ATP8B2: variants seen among roughly 807,000 people sequenced by gnomAD.
The protein encoded by ATP8B2 is phospholipid-transporting ATPase ID.
In ATP8B2, 70 loss-of-function variants were observed where a neutral mutation model predicts 133.4. The ratio of observed to expected loss-of-function variants is 0.52; its 90% CI spans 0.43 to 0.64. ATP8B2 has a LOEUF of 0.64. ATP8B2 is among the 30% of genes least tolerant of loss of function. The pLI is 0.00. For synonymous variants in ATP8B2, 517 were observed against 589.5 expected (o/e 0.88, Z 1.78); for missense variants, 1,101 against 1,535.7 (o/e 0.72, Z 4.73).
At chr1:154,338,520 TGTG>T (rs1161136287) in intron 12 of ATP8B2, among the ~76,000 whole-genome samples, 2 of 151,800 alleles carry the variant, frequency 1.3e-5, no homozygotes, top group Non-Finnish European at 2.9e-5. Flanking sequence ...ATTAGCCAGG[TGTG>T]GTGGTGGTTG....
In ATP8B2 at chr1:154,348,823, C is replaced by T. The variant is rs2149178019; in HGVS notation, c.3295-17C>T. On this transcript the variant is annotated splice_polypyrimidine_tract_variant and intron_variant, in intron 27 of 27. Transcript: ENST00000368489. ...CCTCCACGCTGACAGAGGGCTCTTC[C>T]CTGTGCCCCTCTGCAGGTCCGCTAC... 6.4e-7 allele frequency: 1 copy of T among 1,573,986 alleles called. No individual in the cohort carries two copies.
At chr1:154,326,063 G>A (rs1332807836) in intron 1 of ATP8B2, among the ~76,000 whole-genome samples, 1 of 152,176 alleles carries the variant, frequency 6.6e-6, no homozygotes, top group Non-Finnish European at 1.5e-5. Context: ...GAGTAACCGG[G>A]ACCCGAGGGT....
At chr1:154,327,578 A>G (rs1323626506) in intron 1 of ATP8B2, among the ~76,000 whole-genome samples, 1 of 152,092 alleles carries the variant, frequency 6.6e-6, no homozygotes, top group Admixed American at 6.5e-5. Context: ...GCTCCCCTGG[A>G]GGAGGTGATA....
At chr1:154,336,648 C>G (rs545096458) in intron 11 of ATP8B2, among the ~76,000 whole-genome samples, 2 of 151,868 alleles carry the variant, frequency 1.3e-5, no homozygotes, top group African/African-American at 4.8e-5. Context: ...CCACCACACC[C>G]GGCTAATTTT....
chr1:154,329,989 GT>G (rs1252194059), intron 2 of ATP8B2, among the ~76,000 whole-genome samples: 1 of 152,138 alleles, frequency 6.6e-6, no homozygotes, highest in African/African-American at 2.4e-5. Context: ...ATCTGCAGTG[GT>G]CCCCAGGGGG....
rs763986468 is a variant in ATP8B2 at position 154,344,220 on chromosome 1, C to T, written c.2001C>T (p.Asn667=). Residue 667 remains asparagine, a synonymous_variant, in exon 19 of 28, where the codon AAC becomes AAT. Coordinates refer to ENST00000368489, the MANE Select transcript of ATP8B2 (RefSeq NM_001370597.1). The surrounding 1 kb of genome is among the most constrained non-coding windows in gnomAD (Gnocchi z 4.1). ...PETIALLTLA[N]IKIWVLTGDK... Reference sequence around the variant, plus strand: ...CCATTGCCCTCCTGACACTGGCCAACATCAAGATTTGGGTGCTAACCGGAG... The same window carrying T: ...CCATTGCCCTCCTGACACTGGCCAATATCAAGATTTGGGTGCTAACCGGAG... 1.7e-5 allele frequency: 27 copies of T among 1,614,100 alleles called. No homozygotes were observed. In the South Asian group the frequency reaches 2.7e-4, roughly 16 times the overall value.
chr1:154,326,604 G>A (rs546021969), intron 1 of ATP8B2, among the ~76,000 whole-genome samples: 14 of 152,302 alleles, frequency 9.2e-5, no homozygotes, highest in African/African-American at 3.1e-4. Flanking sequence ...CCCCCCCAGA[G>A]GGGATGAGGT....
intron 1 of ATP8B2, among the ~76,000 whole-genome samples, chr1:154,326,004 G>A (rs1457442613): frequency 6.6e-6 from 1 of 152,192 alleles, no homozygotes; most frequent in Non-Finnish European, 1.5e-5. Flanking sequence ...GGAGAAGCTC[G>A]TGCAGCCTTG....
chr1:154,349,304 C>A lies in ATP8B2; in HGVS notation c.*186C>A. On this transcript the variant is annotated 3_prime_UTR_variant, in exon 28 of 28. Transcript: ENST00000368489. ...TCCCAGCTGTAGGCCCTTCCACCAG[C>A]TGGGGAGCTAGAGGGAGCAGGCCCA... The A allele has an allele frequency of 1.2e-6, 1 of 857,902 alleles. No homozygotes were observed. Among genetic ancestry groups the A allele is most frequent in the Non-Finnish European group, 1.7e-6 (1 of 572,248 alleles). 53.1% of individuals were successfully genotyped at this position (857,902 alleles called of 1,614,324 possible).
At chr1:154,330,589 C>T in intron 3 of ATP8B2, 135 bp downstream of exon 3, 1 of 924,050 alleles carries the variant, frequency 1.1e-6, no homozygotes, top group Non-Finnish European at 1.7e-6. Flanking sequence ...CAGCCACTCT[C>T]CATCTGCTAT....
At position 154,345,120 on chromosome 1, in the gene ATP8B2, T is replaced by C. The variant is rs1427583221; in HGVS notation, c.2436T>C (p.Ile812=). The C allele has an allele frequency of 6.2e-7, 1 of 1,614,004 alleles. No individual in the cohort carries two copies. Among genetic ancestry groups the C allele is most frequent in the Non-Finnish European group, 8.5e-7 (1 of 1,179,990 alleles). The change falls in exon 22 of 28, where the codon ATT becomes ATC. Residue 812 remains isoleucine (I), a synonymous_variant. Transcript: ENST00000368489. This position sits in a 1 kb window ranked among gnomAD's most constrained non-coding sequence, Gnocchi z 5.6. ...KKYKKAVTLA[I]GDGANDVSMI... is the part of the protein sequence containing the mutation. ...ACAAGAAGGCTGTGACGCTTGCCAT[T>C]GGAGACGGAGCCAATGATGTCAGCA...
Position 154,331,835 on chromosome 1 carries a change from A to G in ATP8B2, c.439-119A>G. 7.6e-7 allele frequency: 1 copy of G among 1,308,084 alleles called. No homozygotes were observed. The highest frequency in any genetic ancestry group is 1.2e-5 in the South Asian group (1 of 83,048). 81.0% of individuals were successfully genotyped at this position (1,308,084 alleles called of 1,614,324 possible). On this transcript the variant is annotated intron_variant, in intron 7 of 27. Transcript: ENST00000368489. This position sits in a 1 kb window ranked among gnomAD's most constrained non-coding sequence, Gnocchi z 4.8. Reference sequence around the variant, plus strand: ...GTGTCATGCTGATATGCCTGGAACTAGCCATTTATGCACCTGGAACTAAGC... The same window carrying G: ...GTGTCATGCTGATATGCCTGGAACTGGCCATTTATGCACCTGGAACTAAGC...
intron 27 of ATP8B2, 80 bp from the exon 28 acceptor site, chr1:154,348,760 G>T: frequency 6.9e-7 from 1 of 1,457,156 alleles, no homozygotes; most frequent in Non-Finnish European, 9.1e-7. Flanking sequence ...GCCTGGTCCC[G>T]GGTGCTGTGG....
Position 154,343,055 on chromosome 1 carries a change from C to A in ATP8B2, c.1454-58C>A. 1 of 1,593,650 alleles carries A rather than the reference C, an allele frequency of 6.3e-7. No homozygotes were observed. The highest frequency in any genetic ancestry group is 8.6e-7 in the Non-Finnish European group (1 of 1,168,320). On this transcript the variant is annotated intron_variant, in intron 15 of 27. Coordinates refer to ENST00000368489, the MANE Select transcript of ATP8B2 (RefSeq NM_001370597.1). This position sits in a 1 kb window ranked among gnomAD's most constrained non-coding sequence, Gnocchi z 5.8. ...TGCGGCTGGGCTGGGGCTTCCTGGG[C>A]GGGGCACGTGGCTGAGGGAAGCCAC...
At chr1:154,330,533 G>C in intron 3 of ATP8B2, 79 bp downstream of exon 3, 1 of 1,478,740 alleles carries the variant, frequency 6.8e-7, no homozygotes, top group East Asian at 2.3e-5. Context: ...CGTTGGGACT[G>C]AGGGCTGCCT....
intron 12 of ATP8B2, among the ~76,000 whole-genome samples, chr1:154,338,591 T>C (rs1376749843): frequency 6.6e-6 from 1 of 152,002 alleles, no homozygotes; most frequent in East Asian, 1.9e-4. Context: ...AACCGGAAGG[T>C]GGAGGTAGCA....
Position 154,349,075 on chromosome 1 carries a change from C to A in ATP8B2, c.3530C>A (p.Ala1177Asp). The change falls in exon 28 of 28, where the codon GCC (alanine) becomes GAC (aspartate). Residue 1177 changes from alanine to aspartate, a missense_variant. By Grantham distance (126) the Ala-to-Asp change is moderately radical. Coordinates refer to ENST00000368489, the MANE Select transcript of ATP8B2 (RefSeq NM_001370597.1). ...ESLRRKKSDS[A>D]SSPSGGADKP... is the part of the protein sequence containing the mutation. ...CTGCGCAGGAAGAAGAGTGACAGTG[C>A]CAGTAGCCCCAGTGGCGGTGCCGAC... The A allele has an allele frequency of 6.2e-7, 1 of 1,614,238 alleles. No individual in the cohort carries two copies. The highest frequency in any genetic ancestry group is 1.1e-5 in the South Asian group (1 of 91,088).
rs956933181 is a variant in ATP8B2 at position 154,350,431 on chromosome 1, T to G, written c.*1313T>G. The stretch of plus-strand genomic sequence containing the variant: ...CCAAGTTTATTGGCAGACTCCCTTT[T>G]GACCTCCCTTTGCCTCCCCATCTGG... On this transcript the variant is annotated 3_prime_UTR_variant, in exon 28 of 28. Coordinates refer to ENST00000368489, the MANE Select transcript of ATP8B2 (RefSeq NM_001370597.1). The G allele has an allele frequency of 6.6e-6, 1 of 152,286 alleles. No individual in the cohort carries two copies. Among genetic ancestry groups the G allele is most frequent in the African/African-American group, 2.4e-5 (1 of 41,450 alleles). The allele number at this position is 152,286 out of a possible 1,614,324, so 9.4% of individuals were successfully genotyped here.
At position 154,332,698 on chromosome 1, in the gene ATP8B2, G is replaced by A. The variant is rs1194363428; in HGVS notation, c.589+1G>A. On this transcript the variant is annotated splice_donor_variant, in intron 9 of 27. Transcript: ENST00000368489. LOFTEE classifies it high-confidence loss of function. ...ATCAGTAAGCTTGCCAAGTTTGACG[G>A]TGAGTAATTTTGGAGGAGCAGCCTG... The A allele has an allele frequency of 1.9e-6, 3 of 1,570,074 alleles. No individual in the cohort carries two copies. Among genetic ancestry groups the A allele is most frequent in the South Asian group, 1.2e-5 (1 of 85,574 alleles).
Sources: allele counts gnomAD v4.1 joint callset (sites outside exome capture counted in the v4.1 genomes callset), GRCh38; gene constraint gnomAD v4.1.1; non-coding constraint Gnocchi (gnomAD v3.1); transcripts MANE v1.5; gene names NCBI Gene and HGNC (gene_info 2026-07-23, HGNC 2026-07-21).